Variants in MAP3K14 observed in about 807,000 individuals in gnomAD.
MAP3K14 encodes the protein mitogen-activated protein kinase kinase kinase 14, also known as NF-kappa-beta-inducing kinase.
Under a neutral mutation model 99.2 loss-of-function variants are expected in MAP3K14, and 16 were observed. That is an observed-to-expected ratio of 0.16 (90% CI 0.11 to 0.24). The LOEUF is 0.24. MAP3K14 is among the 10% of genes least tolerant of loss of function. MAP3K14 has a pLI of 1.00. For missense variants in MAP3K14, 784 were observed against 1,208.7 expected, an observed-to-expected ratio of 0.65 and a Z score of 5.21; for synonymous variants, 462 against 492.4, an observed-to-expected ratio of 0.94 and a Z score of 0.82.
chr17:45,294,337 ACCT>A (rs1056465432), intron 1 of MAP3K14, among the ~76,000 whole-genome samples: 1 of 152,104 alleles, frequency 6.6e-6, no homozygotes, highest in African/African-American at 2.4e-5. Context: ...TGCCTCAGTG[ACCT>A]CCTGGAGAAG....
chr17:45,304,066 G>A (rs1161296514), intron 1 of MAP3K14, among the ~76,000 whole-genome samples: 14 of 143,640 alleles, frequency 9.7e-5, no homozygotes, highest in East Asian at 4.1e-4. Flanking sequence ...AGGCTGGAGC[G>A]CAGCAGCCCA....
chr17:45,268,120 A>C, intron 11 of MAP3K14: 1 of 235,666 alleles, frequency 4.2e-6, no homozygotes, highest in Non-Finnish European at 8.1e-6. Context: ...GCTCCCAGGC[A>C]AAGTGGCATC....
At chr17:45,288,888 G>A (rs1214678544) in intron 3 of MAP3K14, among the ~76,000 whole-genome samples, 2 of 152,034 alleles carry the variant, frequency 1.3e-5, no homozygotes, top group African/African-American at 2.4e-5. Context: ...CCACCAACCC[G>A]GCCTGCGCTC....
At position 45,271,054 on chromosome 17, in the gene MAP3K14, C is replaced by T. The variant is rs773013851; in HGVS notation, c.1821+4G>A. ...TGTTGGCCATGCTGGGTGCCGTCAC[C>T]GACCTTGAGGCAGAGCGGCCCTCGG... On this transcript the variant is annotated splice_donor_region_variant and intron_variant, in intron 10 of 15. Transcript: ENST00000344686. 12 of 1,611,722 alleles carry T rather than the reference C, an allele frequency of 7.4e-6. No homozygotes were observed. The highest frequency in any genetic ancestry group is 2.2e-5 in the East Asian group (1 of 44,834).
At chr17:45,298,964 G>A (rs2044366211) in intron 1 of MAP3K14, among the ~76,000 whole-genome samples, 1 of 152,230 alleles carries the variant, frequency 6.6e-6, no homozygotes, top group Non-Finnish European at 1.5e-5. Context: ...AGCAAGACCT[G>A]CCCAAGAAAA....
At chr17:45,268,183 C>T (rs561361996) in intron 11 of MAP3K14, 77 of 163,304 alleles carry the variant, frequency 4.7e-4, no homozygotes, top group Admixed American at 1.9e-3. Flanking sequence ...CCCCAGGCAC[C>T]GTTTGTTCTG....
rs2044037039 is a variant in MAP3K14 at position 45,263,513 on chromosome 17, CTG to C, written c.*1121_*1122del. On this transcript the variant is annotated 3_prime_UTR_variant, in exon 16 of 16. Transcript: ENST00000344686. ...TCACATGCATGTGGACAGCTCAAGACTGTGTCCCTTCACCCCATCTCCTGGCT... is the reference window on the plus strand; with the variant it reads ...TCACATGCATGTGGACAGCTCAAGACTGTCCCTTCACCCCATCTCCTGGCT... 1 of 152,818 alleles carries C rather than the reference CTG, an allele frequency of 6.5e-6. No individual in the cohort carries two copies. The highest frequency in any genetic ancestry group is 6.5e-5 in the Admixed American group (1 of 15,294). The allele number at this position is 152,818 out of a possible 1,614,324, so 9.5% of individuals were successfully genotyped here.
chr17:45,264,496 T>C lies in MAP3K14; in HGVS notation c.*140A>G, dbSNP rs2044053140. The C allele has an allele frequency of 9.3e-7, 1 of 1,077,644 alleles. No homozygotes were observed. Among genetic ancestry groups the C allele is most frequent in the Non-Finnish European group, 1.3e-6 (1 of 779,892 alleles). The allele number at this position is 1,077,644 out of a possible 1,614,324, so 66.8% of individuals were successfully genotyped here. On this transcript the variant is annotated 3_prime_UTR_variant, in exon 16 of 16. Coordinates refer to ENST00000344686, the MANE Select transcript of MAP3K14 (RefSeq NM_003954.5). Reference sequence around the variant, plus strand: ...GGCATTCTGCTTGCCCCCACCTTGCTGCTGCGAGGCCCTGGTCCCACTGCT... The same window carrying C: ...GGCATTCTGCTTGCCCCCACCTTGCCGCTGCGAGGCCCTGGTCCCACTGCT...
intron 7 of MAP3K14, 51 bp from the exon 8 acceptor site, chr17:45,274,305 C>T: frequency 1.9e-6 from 3 of 1,581,270 alleles, no homozygotes; most frequent in Non-Finnish European, 2.6e-6. Context: ...AGCCTCCATG[C>T]CAGCCAAGGG....
chr17:45,277,002 G>C (rs1215528532), intron 6 of MAP3K14, among the ~76,000 whole-genome samples: 2 of 147,438 alleles, frequency 1.4e-5, no homozygotes, highest in Non-Finnish European at 3.0e-5. Flanking sequence ...GCTAATTTTT[G>C]TATTTTTAGT....
At chr17:45,275,033 G>C (rs1436460780) in intron 6 of MAP3K14, among the ~76,000 whole-genome samples, 2 of 152,038 alleles carry the variant, frequency 1.3e-5, no homozygotes. Flanking sequence ...CAGCTACTCG[G>C]GAGGCTGAGG....
intron 1 of MAP3K14, among the ~76,000 whole-genome samples, chr17:45,315,197 A>G (rs1013466836): frequency 2.6e-5 from 4 of 151,992 alleles, no homozygotes; most frequent in African/African-American, 7.3e-5. Context: ...GCCCAACCAG[A>G]CATTTTTGTT....
chr17:45,274,104 C>T lies in MAP3K14; in HGVS notation c.1552+19G>A, dbSNP rs370127257. On this transcript the variant is annotated intron_variant, in intron 8 of 15. Coordinates refer to ENST00000344686, the MANE Select transcript of MAP3K14 (RefSeq NM_003954.5). Reference sequence around the variant, plus strand: ...AGAAGAGCCTGCTGGGGATCAGGGCCGTGGGGCCTGGGCCTTACCTTTGAC... The same window carrying T: ...AGAAGAGCCTGCTGGGGATCAGGGCTGTGGGGCCTGGGCCTTACCTTTGAC... The T allele has an allele frequency of 2.9e-5, 46 of 1,607,348 alleles. No homozygotes were observed. Among genetic ancestry groups the T allele is most frequent in the Middle Eastern group, 1.6e-4 (1 of 6,076 alleles).
chr17:45,309,961 A>T (rs2044460110), intron 1 of MAP3K14, among the ~76,000 whole-genome samples: 1 of 148,870 alleles, frequency 6.7e-6, no homozygotes, highest in Non-Finnish European at 1.5e-5. Context: ...CTGCCAGTGG[A>T]GACTGTTGGG....
intron 6 of MAP3K14, among the ~76,000 whole-genome samples, chr17:45,276,518 T>G (rs1209809330): frequency 9.7e-6 from 1 of 102,936 alleles, no homozygotes; most frequent in South Asian, 2.5e-4. Context: ...GACTTAGACC[T>G]TTTTTTTTTT....
At chr17:45,284,712 C>A in intron 6 of MAP3K14, 100 bp downstream of exon 6, 10 of 1,424,800 alleles carry the variant, frequency 7.0e-6, no homozygotes, top group South Asian at 1.4e-5. Flanking sequence ...CAAGTCAGAC[C>A]CACGGCCACC....
At chr17:45,276,229 A>C (rs1352169085) in intron 6 of MAP3K14, among the ~76,000 whole-genome samples, 1 of 151,932 alleles carries the variant, frequency 6.6e-6, no homozygotes, top group African/African-American at 2.4e-5. Flanking sequence ...GGGATCATCC[A>C]CTCCTTTCTG....
chr17:45,300,337 G>A (rs928418469), intron 1 of MAP3K14, among the ~76,000 whole-genome samples: 2 of 151,896 alleles, frequency 1.3e-5, no homozygotes, highest in Non-Finnish European at 2.9e-5. Context: ...CCACCCTGGC[G>A]CTGAGCTAAT....
At chr17:45,314,647 T>C (rs1268796027) in intron 1 of MAP3K14, among the ~76,000 whole-genome samples, 1 of 151,368 alleles carries the variant, frequency 6.6e-6, no homozygotes, top group Non-Finnish European at 1.5e-5. Flanking sequence ...CTTGAGATGA[T>C]GGAAGCCATT....
Sources: allele counts gnomAD v4.1 joint callset (sites outside exome capture counted in the v4.1 genomes callset), GRCh38; gene constraint gnomAD v4.1.1; transcripts MANE v1.5; gene names NCBI Gene and HGNC (gene_info 2026-07-23, HGNC 2026-07-21).